The following MARCHF1 variants were observed in gnomAD, a reference collection of about 807,000 sequenced individuals.
The protein encoded by MARCHF1 is membrane associated ring-CH-type finger 1, also known as E3 ubiquitin-protein ligase MARCHF1.
In MARCHF1, 40 loss-of-function variants were observed where a neutral mutation model predicts 54.2. The observed-to-expected ratio is 0.74, with a 90% confidence interval of 0.57 to 0.96. The LOEUF (loss-of-function observed/expected upper bound fraction) is 0.96. MARCHF1 is among the 40% of genes least tolerant of loss of function. The probability of loss-of-function intolerance (pLI) is 0.00; values close to 1 mark genes in which losing one functional copy is unlikely to be tolerated. For missense variants in MARCHF1, 586 were observed against 656.5 expected, an observed-to-expected ratio of 0.89 and a Z score of 1.17; for synonymous variants, 236 against 236.3, an observed-to-expected ratio of 1.00 and a Z score of 0.01.
chr4:163,686,427 C>T (rs1439957948), intron 5 of MARCHF1, among the ~76,000 whole-genome samples: 1 of 148,580 alleles, frequency 6.7e-6, no homozygotes, highest in Non-Finnish European at 1.5e-5. Context: ...AATGGAGGCA[C>T]CAAATTTCTG....
At chr4:164,348,251 T>A (rs184753810) in intron 1 of MARCHF1, among the ~76,000 whole-genome samples, 1 of 152,268 alleles carries the variant, frequency 6.6e-6, no homozygotes, top group East Asian at 1.9e-4. Flanking sequence ...ATAGTGCATT[T>A]TAGCCAATAT....
intron 1 of MARCHF1, among the ~76,000 whole-genome samples, chr4:164,153,410 T>C (rs1378735206): frequency 1.3e-5 from 2 of 152,074 alleles, no homozygotes; most frequent in African/African-American, 4.8e-5. Context: ...ACCATTGAAA[T>C]AAAATCAAAA....
intron 4 of MARCHF1, among the ~76,000 whole-genome samples, chr4:163,725,024 C>T (rs1055871549): frequency 1.3e-5 from 2 of 152,126 alleles, no homozygotes; most frequent in South Asian, 2.1e-4. Flanking sequence ...CCTGCCCCCA[C>T]TGTCCAACGA....
intron 4 of MARCHF1, among the ~76,000 whole-genome samples, chr4:163,790,012 A>G (rs781293473): frequency 2.0e-5 from 3 of 152,244 alleles, no homozygotes; most frequent in Non-Finnish European, 4.4e-5. Flanking sequence ...TACACAAAAA[A>G]GTAGGTTCAT....
chr4:163,700,927 C>T, intron 4 of MARCHF1, 64 bp from the exon 5 acceptor site: 2 of 1,138,060 alleles, frequency 1.8e-6, no homozygotes, highest in South Asian at 2.6e-5. Flanking sequence ...TACTGTACCA[C>T]TGAGAAGAGA....
intron 1 of MARCHF1, among the ~76,000 whole-genome samples, chr4:164,343,238 T>A (rs371408411): frequency 8.0e-4 from 122 of 152,280 alleles, no homozygotes; most frequent in African/African-American, 2.7e-3. Flanking sequence ...ATCAAAACAT[T>A]ACCTTGTACA....
chr4:164,224,244 T>G (rs1041548538), intron 1 of MARCHF1, among the ~76,000 whole-genome samples: 9 of 958 alleles, frequency 9.4e-3, no homozygotes, highest in Admixed American at 0.037. Context: ...TATTATGAGT[T>G]TTTTTTTTTG....
chr4:164,087,575 T>C (rs1463881290), intron 2 of MARCHF1, among the ~76,000 whole-genome samples: 2 of 152,134 alleles, frequency 1.3e-5, no homozygotes, highest in Non-Finnish European at 2.9e-5. Context: ...TAAAGTCAAA[T>C]AAACACATGG....
chr4:163,976,112 A>C (rs1404691739), intron 3 of MARCHF1, among the ~76,000 whole-genome samples: 1 of 152,216 alleles, frequency 6.6e-6, no homozygotes, highest in Admixed American at 6.5e-5. Flanking sequence ...AGAACTAGCA[A>C]CAAGTGCCCA....
chr4:163,550,888 A>C (rs1287711603), intron 8 of MARCHF1, among the ~76,000 whole-genome samples: 1 of 152,204 alleles, frequency 6.6e-6, no homozygotes. Flanking sequence ...TTTGAGCCCC[A>C]CACCAAACTC....
chr4:163,995,105 C>T (rs1753048969), intron 2 of MARCHF1, among the ~76,000 whole-genome samples: 1 of 151,934 alleles, frequency 6.6e-6, no homozygotes, highest in South Asian at 2.1e-4. Context: ...CAGACTGTCC[C>T]CCAACCTTCA....
intron 4 of MARCHF1, among the ~76,000 whole-genome samples, chr4:163,757,727 C>T (rs1460637807): frequency 6.6e-6 from 1 of 152,126 alleles, no homozygotes; most frequent in Non-Finnish European, 1.5e-5. Flanking sequence ...GTTCTGTTGA[C>T]CTATCTGATC....
chr4:163,962,812 T>A (rs1392922372), intron 3 of MARCHF1, among the ~76,000 whole-genome samples: 1 of 151,964 alleles, frequency 6.6e-6, no homozygotes. Context: ...ATAAGCTTTT[T>A]AAAGCGATTT....
At chr4:164,112,243 T>A (rs946756325) in intron 1 of MARCHF1, among the ~76,000 whole-genome samples, 13 of 151,932 alleles carry the variant, frequency 8.6e-5, no homozygotes, top group Non-Finnish European at 1.9e-4. Context: ...TGTACTTCAC[T>A]ACCTCTATTA....
At chr4:163,928,065 T>C (rs12643726) in intron 3 of MARCHF1, among the ~76,000 whole-genome samples, 3,090 of 151,974 alleles carry the variant, frequency 0.02, 150 homozygotes, top group East Asian at 0.19. Context: ...TTACTCATGT[T>C]AGAAAGGCTT....
At chr4:164,312,587 G>C (rs184693418) in intron 1 of MARCHF1, among the ~76,000 whole-genome samples, 1 of 152,088 alleles carries the variant, frequency 6.6e-6, no homozygotes, top group South Asian at 2.1e-4. Context: ...CTCCGAAAGT[G>C]CTGGGATTAC....
intron 3 of MARCHF1, among the ~76,000 whole-genome samples, chr4:163,865,232 C>A (rs1750022955): frequency 6.6e-6 from 1 of 151,894 alleles, no homozygotes; most frequent in African/African-American, 2.4e-5. Context: ...GTTTCTTGAG[C>A]AGCCCTTTAT....
intron 3 of MARCHF1, among the ~76,000 whole-genome samples, chr4:163,936,786 C>T (rs1751806889): frequency 6.6e-6 from 1 of 152,084 alleles, no homozygotes; most frequent in African/African-American, 2.4e-5. Flanking sequence ...TTTCTCCCTG[C>T]CTTTTCATTT....
At chr4:163,693,110 A>G (rs1744514667) in intron 5 of MARCHF1, among the ~76,000 whole-genome samples, 1 of 151,396 alleles carries the variant, frequency 6.6e-6, no homozygotes, top group South Asian at 2.1e-4. Context: ...TGTATTTATG[A>G]TATCATCAGG....
Sources: allele counts gnomAD v4.1 joint callset (sites outside exome capture counted in the v4.1 genomes callset), GRCh38; gene constraint gnomAD v4.1.1; transcripts MANE v1.5; gene names NCBI Gene and HGNC (gene_info 2026-07-23, HGNC 2026-07-21).